HHAT: variants seen among roughly 807,000 people sequenced by gnomAD.
HHAT encodes protein-cysteine N-palmitoyltransferase HHAT.
HHAT carries 47 observed loss-of-function variants against 70.8 expected under a neutral mutation model. The ratio of observed to expected loss-of-function variants is 0.66; its 90% CI spans 0.53 to 0.85. The LOEUF (loss-of-function observed/expected upper bound fraction) is 0.85, where lower values mean the gene tolerates loss of function less well. Among genes scored for constraint, HHAT ranks in the 40% least tolerant of loss-of-function variants. The pLI, the probability that HHAT is intolerant of heterozygous loss-of-function variation, is 0.00. For missense variants in HHAT, 609 were observed against 604.8 expected, an observed-to-expected ratio of 1.01 and a Z score of -0.07; for synonymous variants, 228 against 247.6, an observed-to-expected ratio of 0.92 and a Z score of 0.74.
intron 1 of HHAT, among the ~76,000 whole-genome samples, chr1:210,337,546 G>A (rs1017736842): frequency 2.6e-5 from 4 of 152,110 alleles, no homozygotes; most frequent in Admixed American, 6.6e-5. Context: ...CCAGCCTCTA[G>A]ATGACTCTTA....
chr1:210,445,679 T>G (rs1417197603), intron 7 of HHAT, among the ~76,000 whole-genome samples: 2 of 152,220 alleles, frequency 1.3e-5, no homozygotes, highest in Admixed American at 1.3e-4. Flanking sequence ...AGTGTCATTT[T>G]TCTTTGTTGA....
chr1:210,526,368 T>A (rs1573037208), intron 9 of HHAT, among the ~76,000 whole-genome samples: 1 of 5,122 alleles, frequency 2.0e-4, no homozygotes, highest in Non-Finnish European at 1.3e-3. Flanking sequence ...GTGGGTTCTG[T>A]TTTTTTTTTT....
chr1:210,448,339 C>T (rs1382078653), intron 7 of HHAT, among the ~76,000 whole-genome samples: 3 of 152,080 alleles, frequency 2.0e-5, no homozygotes, highest in Admixed American at 6.5e-5. Context: ...ACCTCAGTTT[C>T]CCAAAGTGTT....
chr1:210,625,963 G>A (rs371436085), intron 11 of HHAT, among the ~76,000 whole-genome samples: 2 of 152,146 alleles, frequency 1.3e-5, no homozygotes, highest in African/African-American at 4.8e-5. Flanking sequence ...GCAGATATCA[G>A]TGTGCACCAG....
At chr1:210,577,460 T>C (rs1658084789) in intron 9 of HHAT, among the ~76,000 whole-genome samples, 1 of 152,168 alleles carries the variant, frequency 6.6e-6, no homozygotes, top group Non-Finnish European at 1.5e-5. Flanking sequence ...TCCTTCATTC[T>C]GTTAATGTGA....
At chr1:210,612,659 C>A (rs1237641937) in intron 10 of HHAT, among the ~76,000 whole-genome samples, 1 of 152,030 alleles carries the variant, frequency 6.6e-6, no homozygotes, top group Non-Finnish European at 1.5e-5. Context: ...TTTGTATATA[C>A]CTAGAAATGA....
chr1:210,581,054 A>G (rs1246659957), intron 9 of HHAT, among the ~76,000 whole-genome samples: 1 of 151,984 alleles, frequency 6.6e-6, no homozygotes, highest in Non-Finnish European at 1.5e-5. Context: ...TGTGGTTTTG[A>G]TTTGCATTTC....
chr1:210,534,658 C>A (rs1214508902), intron 9 of HHAT, among the ~76,000 whole-genome samples: 1 of 152,010 alleles, frequency 6.6e-6, no homozygotes, highest in African/African-American at 2.4e-5. Context: ...TAATTTTATA[C>A]CATATTTTAA....
intron 8 of HHAT, among the ~76,000 whole-genome samples, chr1:210,468,591 T>C (rs966925265): frequency 2.6e-5 from 4 of 152,138 alleles, no homozygotes; most frequent in Non-Finnish European, 5.9e-5. Context: ...AGTGAGGCAT[T>C]GATTGCATGG....
intron 10 of HHAT, among the ~76,000 whole-genome samples, chr1:210,617,381 GC>G (rs1241274263): frequency 2.6e-5 from 4 of 152,240 alleles, no homozygotes; most frequent in African/African-American, 9.6e-5. Flanking sequence ...CACATAATGT[GC>G]TTGATGAAGT....
intron 1 of HHAT, among the ~76,000 whole-genome samples, chr1:210,332,055 G>A (rs1282130247): frequency 6.6e-6 from 1 of 152,182 alleles, no homozygotes; most frequent in Admixed American, 6.5e-5. Flanking sequence ...GTACTTTAAT[G>A]TGGTTGATAA....
intron 9 of HHAT, among the ~76,000 whole-genome samples, chr1:210,545,834 C>T (rs1017941363): frequency 1.3e-5 from 2 of 152,156 alleles, no homozygotes; most frequent in African/African-American, 4.8e-5. Context: ...AGCCTCATGA[C>T]AGCTTTTCAT....
Position 210,400,678 on chromosome 1 carries a change from T to C in HHAT, c.468+16T>C, listed in dbSNP as rs1222237930. On this transcript the variant is annotated intron_variant, in intron 5 of 11. Coordinates refer to ENST00000261458, the MANE Select transcript of HHAT (RefSeq NM_018194.6). ...AGAAGTTAAGGTAAGTGTTTTCCTGTTACCATTGGGAATCCAGAGAAGGCC... is the reference window on the plus strand; with the variant it reads ...AGAAGTTAAGGTAAGTGTTTTCCTGCTACCATTGGGAATCCAGAGAAGGCC... 1 of 1,603,804 alleles carries C rather than the reference T, an allele frequency of 6.2e-7. No homozygotes were observed. The highest frequency in any genetic ancestry group is 8.5e-7 in the Non-Finnish European group (1 of 1,175,284).
rs12092803 is a variant in HHAT, at chr1:210,640,658, G to A, written c.1390+16988G>A. On this transcript the variant is annotated intron_variant, in intron 11 of 11. Transcript: ENST00000261458. The stretch of plus-strand genomic sequence containing the variant: ...CAAAACATGCGTGCGTGTAACCCCC[G>A]CACTCCGCCCCCCACTGCCCCCCAC... 9.4e-3 allele frequency among the ~76,000 whole-genome samples: 1,392 copies of A among 148,352 alleles called. 17 individuals carry two copies. Among genetic ancestry groups the A allele is most frequent in the African/African-American group, 0.032 (1,273 of 40,198 alleles).
chr1:210,413,887 G>GC (rs1190546638), intron 6 of HHAT, among the ~76,000 whole-genome samples: 1 of 152,102 alleles, frequency 6.6e-6, no homozygotes, highest in African/African-American at 2.4e-5. Flanking sequence ...AATGTATACT[G>GC]CTTAAAGCAT....
intron 1 of HHAT, chr1:210,329,444 G>A (rs2084793790): frequency 1.9e-6 from 2 of 1,069,782 alleles, no homozygotes; most frequent in East Asian, 6.1e-5. Flanking sequence ...CAGTATCGGC[G>A]GTGCGCCTGC....
At chr1:210,564,547 A>G (rs186740638) in intron 9 of HHAT, among the ~76,000 whole-genome samples, 9 of 152,358 alleles carry the variant, frequency 5.9e-5, no homozygotes, top group African/African-American at 2.2e-4. Context: ...TATAAGAAGT[A>G]TGTGTCTATG....
chr1:210,619,188 C>T (rs925827077), intron 10 of HHAT, among the ~76,000 whole-genome samples: 4 of 152,098 alleles, frequency 2.6e-5, no homozygotes, highest in African/African-American at 7.2e-5. Flanking sequence ...GAAACTGCCC[C>T]GACCCACCCC....
chr1:210,448,836 T>C (rs1025380925), intron 7 of HHAT, among the ~76,000 whole-genome samples: 3 of 152,194 alleles, frequency 2.0e-5, no homozygotes, highest in African/African-American at 7.2e-5. Flanking sequence ...CCTTAATTTC[T>C]AGATAAGGTG....
Sources: allele counts gnomAD v4.1 joint callset (sites outside exome capture counted in the v4.1 genomes callset), GRCh38; gene constraint gnomAD v4.1.1; transcripts MANE v1.5; gene names NCBI Gene and HGNC (gene_info 2026-07-23, HGNC 2026-07-21).